SGCZ: variants seen among roughly 807,000 people sequenced by gnomAD.
The protein encoded by SGCZ is sarcoglycan zeta, also known as zeta-sarcoglycan.
A neutral mutation model predicts 41.3 loss-of-function variants in SGCZ; 40 were observed. That is an observed-to-expected ratio of 0.97 (90% CI 0.75 to 1.26). The LOEUF is 1.26. Among genes scored for constraint, SGCZ ranks in the 50% most tolerant of loss-of-function variants. The pLI, the probability that SGCZ is intolerant of heterozygous loss-of-function variation, is 0.00. For missense variants in SGCZ, 552 were observed against 369.8 expected (o/e 1.49, Z -4.04); for synonymous variants, 206 against 137.5 (o/e 1.50, Z -3.49).
chr8:15,039,144 T>A (rs1208396082), intron 1 of SGCZ, among the ~76,000 whole-genome samples: 1 of 151,998 alleles, frequency 6.6e-6, no homozygotes, highest in African/African-American at 2.4e-5. Context: ...CCAAAGGAAA[T>A]TAAATCAGTA....
chr8:14,555,006 A>T (rs1803991441), intron 1 of SGCZ, 80 bp from the exon 2 acceptor site: 30 of 1,267,482 alleles, frequency 2.4e-5, no homozygotes, highest in South Asian at 2.0e-4. Context: ...ATTTTTTTGA[A>T]ACAAAAGAAC....
chr8:15,032,126 T>G (rs917732077), intron 1 of SGCZ, among the ~76,000 whole-genome samples: 2 of 152,086 alleles, frequency 1.3e-5, no homozygotes, highest in Non-Finnish European at 2.9e-5. Flanking sequence ...ATAGCATATA[T>G]TTGGTATTGT....
chr8:14,247,182 G>C (rs1365704037), intron 3 of SGCZ, among the ~76,000 whole-genome samples: 1 of 152,046 alleles, frequency 6.6e-6, no homozygotes, highest in African/African-American at 2.4e-5. Context: ...TCCCCATTTG[G>C]TTTAGTCACG....
In SGCZ at chr8:15,126,941, G is replaced by A. The variant is rs564154790; in HGVS notation, c.39+110644C>T. Among the ~76,000 whole-genome samples the A allele has an allele frequency of 1.1e-4, 17 of 152,244 alleles. 1 individual carries two copies. The South Asian group carries it at 3.3e-3, about 30-fold the overall frequency. ...AGGCCAGAGAGTAGACTGTGCTCATGGTCTAAAGAGACAGCCCTTCATTAA... is the reference window on the plus strand; with the variant it reads ...AGGCCAGAGAGTAGACTGTGCTCATAGTCTAAAGAGACAGCCCTTCATTAA... On this transcript the variant is annotated intron_variant, in intron 1 of 7. Coordinates refer to ENST00000382080, the MANE Select transcript of SGCZ (RefSeq NM_139167.4).
At chr8:14,446,782 A>T (rs1370390991) in intron 2 of SGCZ, among the ~76,000 whole-genome samples, 1 of 152,194 alleles carries the variant, frequency 6.6e-6, no homozygotes, top group Admixed American at 6.6e-5. Context: ...ATACTAAAGT[A>T]CTAAACAAAT....
chr8:15,115,562 T>C (rs766004886), intron 1 of SGCZ, among the ~76,000 whole-genome samples: 5 of 152,188 alleles, frequency 3.3e-5, no homozygotes, highest in Non-Finnish European at 5.9e-5. Flanking sequence ...TGAAAACATA[T>C]GTAAAGGCTT....
At chr8:14,801,542 A>G (rs929936513) in intron 1 of SGCZ, among the ~76,000 whole-genome samples, 16 of 152,206 alleles carry the variant, frequency 1.1e-4, no homozygotes, top group Non-Finnish European at 2.2e-4. Flanking sequence ...CACCTTGTTT[A>G]CTTCCAGGGA....
chr8:14,843,073 G>A lies in SGCZ; in HGVS notation c.40-288147C>T, dbSNP rs865856086. Among the ~76,000 whole-genome samples, 5 of 152,240 alleles carry A rather than the reference G, an allele frequency of 3.3e-5. No homozygotes were observed. In the Middle Eastern group the frequency reaches 0.014, roughly 414 times the overall value. On this transcript the variant is annotated intron_variant, in intron 1 of 7. Coordinates refer to ENST00000382080, the MANE Select transcript of SGCZ (RefSeq NM_139167.4). ...ACTAAAATACAAAAATTAGCTGGGT[G>A]TGGTGGCATGCACCTGTAATCCCAG...
intron 2 of SGCZ, among the ~76,000 whole-genome samples, chr8:14,411,024 A>ATTACAATT (rs1417929657): frequency 6.6e-6 from 1 of 152,162 alleles, no homozygotes; most frequent in East Asian, 1.9e-4. Flanking sequence ...CTTTGAAACA[A>ATTACAATT]TTACAATTCC....
chr8:14,843,434 T>C (rs1302290610), intron 1 of SGCZ, among the ~76,000 whole-genome samples: 5 of 152,168 alleles, frequency 3.3e-5, no homozygotes, highest in African/African-American at 1.2e-4. Flanking sequence ...TGACTTAGTA[T>C]TTTGTATGTA....
chr8:14,569,774 G>T (rs567846651), intron 1 of SGCZ, among the ~76,000 whole-genome samples: 1 of 152,280 alleles, frequency 6.6e-6, no homozygotes, highest in African/African-American at 2.4e-5. Flanking sequence ...AGTCCAGGAG[G>T]TCGTGAAGGA....
intron 1 of SGCZ, among the ~76,000 whole-genome samples, chr8:14,666,186 C>T (rs1367731780): frequency 6.6e-6 from 1 of 152,174 alleles, no homozygotes; most frequent in Non-Finnish European, 1.5e-5. Context: ...ACTAGGGTTG[C>T]ATCCAAGTCT....
chr8:14,296,263 A>G (rs929716980), intron 3 of SGCZ, among the ~76,000 whole-genome samples: 4 of 152,184 alleles, frequency 2.6e-5, no homozygotes, highest in African/African-American at 9.6e-5. Context: ...CTCTGAATGT[A>G]TGGAAAACAA....
At chr8:14,729,644 AAATCAATCAATC>A (rs56104484) in intron 1 of SGCZ, among the ~76,000 whole-genome samples, 8,008 of 150,832 alleles carry the variant, frequency 0.053, 700 homozygotes, top group African/African-American at 0.18. Context: ...AGAGCGTTAA[AAATCAATCAATC>A]AATCAATCAA....
chr8:14,309,145 G>A (rs1305638698), intron 3 of SGCZ: 9 of 1,464,052 alleles, frequency 6.1e-6, no homozygotes, highest in Admixed American at 1.7e-5. Context: ...AGAACAGATG[G>A]GCACTCTGGT....
At chr8:14,283,233 T>G (rs1291572770) in intron 3 of SGCZ, among the ~76,000 whole-genome samples, 2 of 152,180 alleles carry the variant, frequency 1.3e-5, no homozygotes, top group African/African-American at 2.4e-5. Flanking sequence ...TAGCTCATAT[T>G]TCTTTTCGCC....
intron 1 of SGCZ, among the ~76,000 whole-genome samples, chr8:15,108,578 C>T (rs571728479): frequency 2.6e-4 from 40 of 152,138 alleles, no homozygotes; most frequent in Non-Finnish European, 5.1e-4. Flanking sequence ...ACATTTGATT[C>T]ATAAAATAAG....
chr8:14,666,180 G>T (rs950889503), intron 1 of SGCZ, among the ~76,000 whole-genome samples: 7 of 152,164 alleles, frequency 4.6e-5, no homozygotes, highest in Non-Finnish European at 7.3e-5. Flanking sequence ...ACAAATACTA[G>T]GGTTGCATCC....
At chr8:14,211,225 C>T (rs927501640) in intron 4 of SGCZ, among the ~76,000 whole-genome samples, 1 of 152,120 alleles carries the variant, frequency 6.6e-6, no homozygotes, top group Admixed American at 6.5e-5. Context: ...TGCAGGACTC[C>T]TGTGTCTGCT....
Sources: allele counts gnomAD v4.1 joint callset (sites outside exome capture counted in the v4.1 genomes callset), GRCh38; gene constraint gnomAD v4.1.1; transcripts MANE v1.5; gene names NCBI Gene and HGNC (gene_info 2026-07-23, HGNC 2026-07-21).